MIA3: variants seen among roughly 807,000 people sequenced by gnomAD.
MIA3 encodes MIA SH3 domain ER export factor 3.
MIA3 carries 90 observed loss-of-function variants against 192.4 expected under a neutral mutation model. The observed-to-expected ratio is 0.47, with a 90% CI of 0.39 to 0.56. The LOEUF is 0.56. Among genes scored for constraint, MIA3 ranks in the 20% least tolerant of loss-of-function variants. MIA3 has a pLI of 0.00. For missense variants in MIA3, 2,123 were observed against 2,269.4 expected (o/e 0.94, Z 1.31); for synonymous variants, 740 against 792.8 (o/e 0.93, Z 1.12).
At chr1:222,643,921 C>T (rs1341626898) in intron 6 of MIA3, among the ~76,000 whole-genome samples, 1 of 151,912 alleles carries the variant, frequency 6.6e-6, no homozygotes, top group Non-Finnish European at 1.5e-5. Flanking sequence ...GGAGGCGGAA[C>T]AGTAAGCAGA....
At chr1:222,620,709 C>G (rs991528575) in intron 1 of MIA3, among the ~76,000 whole-genome samples, 6 of 152,218 alleles carry the variant, frequency 3.9e-5, no homozygotes, top group African/African-American at 7.2e-5. Flanking sequence ...TTCCTGGGTA[C>G]TCTAGTTCCC....
chr1:222,663,874 A>G, intron 26 of MIA3, 124 bp from the exon 27 acceptor site: 1 of 925,292 alleles, frequency 1.1e-6, no homozygotes, highest in East Asian at 2.4e-5. Context: ...AGTTTTTTGC[A>G]CTAATTCTGC....
At position 222,650,903 on chromosome 1, in the gene MIA3, G is replaced by C. The variant is rs752868586; in HGVS notation, c.3909G>C (p.Leu1303Phe). ...EREQNVKNQDLISENKKSIEK... is the reference protein window; with the variant it reads ...EREQNVKNQDFISENKKSIEK... ...AACAGAATGTCAAGAATCAGGACTT[G>C]GTAAGAGTTTTGCTGCTAAGTATTA... Residue 1303 changes from leucine to phenylalanine, a missense_variant and splice_region_variant, in exon 11 of 28, where the codon TTG (leucine) becomes TTC (phenylalanine). Physicochemically the swap from Leu to Phe is conservative, Grantham distance 22. Coordinates refer to ENST00000344922, the MANE Select transcript of MIA3 (RefSeq NM_198551.4). 6.4e-7 allele frequency: 1 copy of C among 1,573,448 alleles called. No homozygotes were observed. The highest frequency in any genetic ancestry group is 8.7e-7 in the Non-Finnish European group (1 of 1,153,676).
At chr1:222,660,387 A>G (rs1424141971) in intron 24 of MIA3, 73 bp downstream of exon 24, 2 of 1,480,226 alleles carry the variant, frequency 1.4e-6, no homozygotes, top group Non-Finnish European at 1.8e-6. Context: ...ATTCTAATGC[A>G]AACACTTTAG....
chr1:222,651,152 A>G (rs1571896378), intron 11 of MIA3, among the ~76,000 whole-genome samples: 2 of 150,956 alleles, frequency 1.3e-5, no homozygotes, highest in Admixed American at 1.3e-4. Context: ...CCTCCGAAAC[A>G]TGTGGAACAA....
intron 7 of MIA3, 63 bp downstream of exon 7, chr1:222,645,748 T>C: frequency 7.0e-7 from 1 of 1,432,516 alleles, no homozygotes; most frequent in Non-Finnish European, 9.6e-7. Flanking sequence ...TCACAGTCCT[T>C]TTGTTTCTTT....
intron 6 of MIA3, among the ~76,000 whole-genome samples, chr1:222,633,958 C>T (rs1404241424): frequency 6.7e-6 from 1 of 148,452 alleles, no homozygotes; most frequent in African/African-American, 2.6e-5. Flanking sequence ...TCAGGCGATC[C>T]TCCTGCTTCA....
At chr1:222,651,848 C>G (rs1220030686) in intron 11 of MIA3, 129 bp from the exon 12 acceptor site, 4 of 676,648 alleles carry the variant, frequency 5.9e-6, no homozygotes, top group African/African-American at 5.5e-5. Context: ...ACTGAAACAC[C>G]TGCTTTTACC....
intron 6 of MIA3, among the ~76,000 whole-genome samples, chr1:222,635,440 G>A (rs758719566): frequency 2.2e-4 from 34 of 152,136 alleles, no homozygotes; most frequent in Non-Finnish European, 4.6e-4. Context: ...ATAAGATGCC[G>A]ACTTGAGAGG....
chr1:222,648,908 T>G (rs367881520), intron 8 of MIA3, 58 bp downstream of exon 8: 3 of 1,110,920 alleles, frequency 2.7e-6, no homozygotes, highest in East Asian at 2.4e-5. Context: ...GTGTTTGATA[T>G]GGATTTTATA....
rs554748246 is a variant in MIA3, at chr1:222,632,350, A to G, written c.3331+24A>G. On this transcript the variant is annotated intron_variant, in intron 5 of 27. Transcript: ENST00000344922. ...AGGTAAAGCCTGCTAATTTTTTTCT[A>G]CAAAGTGGAGAAATCATAAAGAAGG... 8.1e-6 allele frequency: 13 copies of G among 1,600,292 alleles called. No individual in the cohort carries two copies. In the African/African-American group the frequency reaches 1.5e-4, roughly 18 times the overall value.
chr1:222,624,502 G>A (rs1662020104), intron 2 of MIA3, among the ~76,000 whole-genome samples: 1 of 152,176 alleles, frequency 6.6e-6, no homozygotes, highest in Admixed American at 6.5e-5. Flanking sequence ...AAATTGTACA[G>A]TGAGTAAAAA....
rs1267407826 is a variant in MIA3 at position 222,666,444 on chromosome 1, T to G, written c.*825T>G. Reference sequence around the variant, plus strand: ...CCTGATGTTCCATTGTTTTTACCATTCCTGTAGAAAAAGGGTGCACAACAG... The same window carrying G: ...CCTGATGTTCCATTGTTTTTACCATGCCTGTAGAAAAAGGGTGCACAACAG... On this transcript the variant is annotated 3_prime_UTR_variant, in exon 28 of 28. Transcript: ENST00000344922. 1.3e-5 allele frequency: 2 copies of G among 152,164 alleles called. No homozygotes were observed. Among genetic ancestry groups the G allele is most frequent in the African/African-American group, 4.8e-5 (2 of 41,422 alleles). The allele number at this position is 152,164 out of a possible 1,614,324, so 9.4% of individuals were successfully genotyped here.
intron 6 of MIA3, among the ~76,000 whole-genome samples, chr1:222,635,309 C>T (rs752319118): frequency 3.9e-5 from 6 of 152,176 alleles, no homozygotes; most frequent in South Asian, 4.1e-4. Context: ...TTTCTAGATA[C>T]GCACAGAGCC....
Position 222,627,749 on chromosome 1 carries a change from C to G in MIA3, c.529C>G (p.Pro177Ala). The G allele has an allele frequency of 6.2e-7, 1 of 1,612,468 alleles. No homozygotes were observed. The highest frequency in any genetic ancestry group is 2.2e-5 in the East Asian group (1 of 44,878). The change falls in exon 4 of 28, where the codon CCT becomes GCT. Residue 177 changes from proline (P) to alanine (A), a missense_variant. Physicochemically the swap from Pro to Ala is conservative, Grantham distance 27. Transcript: ENST00000344922. ...CCCTGAATTATCTAAGGAAAGGGAA[C>G]CTGAACCTGAACCAGTAGAAGCCAA... ...KNPELSKERE[P>A]EPEPVEANSE... is the part of the protein sequence containing the mutation.
chr1:222,619,017 C>T (rs1661739607), intron 1 of MIA3, among the ~76,000 whole-genome samples: 1 of 152,150 alleles, frequency 6.6e-6, no homozygotes, highest in Non-Finnish European at 1.5e-5. Flanking sequence ...CTGCAGAGAC[C>T]GAGGATCTGC....
Position 222,650,347 on chromosome 1 carries a change from A to C in MIA3, c.3687A>C (p.Glu1229Asp), listed in dbSNP as rs1269899677. Residue 1229 changes from glutamate (E) to aspartate (D), a missense_variant, in exon 9 of 28, where the codon GAA (glutamate) becomes GAC (aspartate). Physicochemically the swap from Glu to Asp is conservative, Grantham distance 45. Transcript: ENST00000344922. ...AGACTATCATGAAAGAAAATACAGA[A>C]CTTGTACAAAAATTGTCAAATTATG... ...KLKTIMKENT[E>D]LVQKLSNYEQ... 1 of 1,604,708 alleles carries C rather than the reference A, an allele frequency of 6.2e-7. No individual in the cohort carries two copies. Among genetic ancestry groups the C allele is most frequent in the South Asian group, 1.1e-5 (1 of 90,148 alleles).
At chr1:222,625,904 T>G (rs1032561547) in intron 3 of MIA3, among the ~76,000 whole-genome samples, 16 of 152,118 alleles carry the variant, frequency 1.1e-4, no homozygotes, top group African/African-American at 3.6e-4. Context: ...ACCCAGCCAA[T>G]TTTTTTGTGT....
chr1:222,661,779 C>G, intron 24 of MIA3, among the ~76,000 whole-genome samples: 1 of 152,068 alleles, frequency 6.6e-6, no homozygotes, highest in African/African-American at 2.4e-5. Flanking sequence ...ATACACTGAA[C>G]AAAAATCACC....
Sources: gnomAD v4.1 joint callset for allele counts (sites outside exome capture counted in the v4.1 genomes callset) on GRCh38, gnomAD v4.1.1 for gene constraint, MANE v1.5 for transcripts, NCBI Gene and HGNC (gene_info 2026-07-23, HGNC 2026-07-21) for gene names.